The following TSEN15 variants were observed in gnomAD, a reference collection of about 807,000 sequenced individuals.
TSEN15 encodes the protein tRNA splicing endonuclease subunit 15.
TSEN15 carries 10 observed loss-of-function variants against 20.5 expected under a neutral mutation model. That is an observed-to-expected ratio of 0.49 (90% CI 0.30 to 0.83). TSEN15 has a LOEUF of 0.83. TSEN15 is among the 40% of genes least tolerant of loss of function. TSEN15 has a pLI of 0.06. For missense variants in TSEN15, 180 were observed against 218.6 expected, an observed-to-expected ratio of 0.82 and a Z score of 1.11; for synonymous variants, 72 against 80.1, an observed-to-expected ratio of 0.90 and a Z score of 0.54.
intron 3 of TSEN15, among the ~76,000 whole-genome samples, chr1:184,066,760 C>T (rs980193792): frequency 3.9e-5 from 6 of 152,124 alleles, no homozygotes; most frequent in Admixed American, 2.6e-4. Flanking sequence ...TTCTTTAACA[C>T]TTTGTTGGAT....
chr1:184,070,581 TA>T (rs1431552530), intron 3 of TSEN15: 2 of 1,050,476 alleles, frequency 1.9e-6, no homozygotes, highest in Non-Finnish European at 1.3e-6. Flanking sequence ...GGACAGCCTA[TA>T]AAAATGTATC....
chr1:184,074,221 G>A (rs1651010450), downstream of TSEN15: 1 of 152,114 alleles, frequency 6.6e-6, no homozygotes, highest in South Asian at 2.1e-4. Context: ...AAGGTGTCTT[G>A]AAATCTGTAT....
chr1:184,071,631 CTA>C (rs1650886763), intron 3 of TSEN15, among the ~76,000 whole-genome samples: 1 of 150,570 alleles, frequency 6.6e-6, no homozygotes, highest in Non-Finnish European at 1.5e-5. Flanking sequence ...ACTCAAGAAA[CTA>C]TAGTAAAAAA....
intron 3 of TSEN15, among the ~76,000 whole-genome samples, chr1:184,059,982 CAT>C (rs752713333): frequency 2.2e-4 from 34 of 152,178 alleles, no homozygotes; most frequent in African/African-American, 7.5e-4. Context: ...AGATTTATAA[CAT>C]GTGCATAACT....
intron 3 of TSEN15, among the ~76,000 whole-genome samples, chr1:184,059,481 C>T (rs1053826473): frequency 2.3e-4 from 35 of 152,274 alleles, no homozygotes; most frequent in African/African-American, 7.5e-4. Flanking sequence ...TTTGCTATTA[C>T]TAATGGTATT....
intron 3 of TSEN15, among the ~76,000 whole-genome samples, chr1:184,056,435 T>C (rs1340269094): frequency 6.6e-6 from 1 of 152,156 alleles, no homozygotes; most frequent in Non-Finnish European, 1.5e-5. Context: ...TATGAATTCT[T>C]TATATATTCT....
intron 3 of TSEN15, among the ~76,000 whole-genome samples, chr1:184,080,364 G>C (rs1651143697): frequency 6.6e-6 from 1 of 152,166 alleles, no homozygotes; most frequent in East Asian, 1.9e-4. Flanking sequence ...TAGCAAGCAA[G>C]TGGAGTGGGT....
downstream of TSEN15, among the ~76,000 whole-genome samples, chr1:184,076,606 G>A (rs773950384): frequency 7.4e-4 from 112 of 152,296 alleles, no homozygotes; most frequent in Admixed American, 2.0e-3. Context: ...CATGTCAAAA[G>A]ATGAGATGGG....
chr1:184,058,404 A>G (rs1650323752), intron 3 of TSEN15, among the ~76,000 whole-genome samples: 2 of 151,984 alleles, frequency 1.3e-5, no homozygotes, highest in Admixed American at 6.6e-5. Flanking sequence ...CTTTTAGTGC[A>G]TAACATTTTC....
At chr1:184,092,518 G>C (rs1182818418) in intron 3 of TSEN15, among the ~76,000 whole-genome samples, 1 of 152,230 alleles carries the variant, frequency 6.6e-6, no homozygotes, top group Non-Finnish European at 1.5e-5. Flanking sequence ...GGGTAGCCCA[G>C]AATAGGGGCT....
intron 3 of TSEN15, among the ~76,000 whole-genome samples, chr1:184,067,472 T>C (rs2102889864): frequency 6.6e-6 from 1 of 152,324 alleles, no homozygotes; most frequent in Admixed American, 6.5e-5. Context: ...ACCTGGTACC[T>C]GGTACATGGT....
At chr1:184,081,476 G>T (rs927446145) in intron 3 of TSEN15, among the ~76,000 whole-genome samples, 1 of 152,174 alleles carries the variant, frequency 6.6e-6, no homozygotes, top group Non-Finnish European at 1.5e-5. Context: ...ACTAGCCAAA[G>T]GAAGCCACGT....
chr1:184,058,264 A>G (rs1650318557), intron 3 of TSEN15: 2 of 378,278 alleles, frequency 5.3e-6, no homozygotes, highest in African/African-American at 4.3e-5. Flanking sequence ...ATGCTGTTGC[A>G]TTTAATAACT....
intron 3 of TSEN15, among the ~76,000 whole-genome samples, chr1:184,068,124 C>G (rs1317121326): frequency 1.3e-5 from 2 of 151,328 alleles, no homozygotes; most frequent in Non-Finnish European, 2.9e-5. Flanking sequence ...TTTCACCCCT[C>G]TTTTTCCCTA....
At chr1:184,070,802 TGTGA>T in intron 3 of TSEN15, 4 of 503,920 alleles carry the variant, frequency 7.9e-6, no homozygotes, top group Non-Finnish European at 1.1e-5. Flanking sequence ...AAATCATTCT[TGTGA>T]ATAAGAATCT....
chr1:184,060,910 T>A (rs1044850689), intron 3 of TSEN15, among the ~76,000 whole-genome samples: 1 of 152,190 alleles, frequency 6.6e-6, no homozygotes, highest in African/African-American at 2.4e-5. Context: ...AAGGCAAACG[T>A]CTAGAACTCT....
At chr1:184,076,295 C>T (rs919155344), downstream of TSEN15, among the ~76,000 whole-genome samples, 10 of 151,994 alleles carry the variant, frequency 6.6e-5, no homozygotes, top group Non-Finnish European at 1.3e-4. Context: ...ATATGGTGAT[C>T]TGTTTTTCAG....
chr1:184,051,910 G>C lies in TSEN15; in HGVS notation c.135+20G>C, dbSNP rs1402116670. On this transcript the variant is annotated intron_variant, in intron 1 of 4. Coordinates refer to ENST00000645668, the MANE Select transcript of TSEN15 (RefSeq NM_052965.4). Reference sequence around the variant, plus strand: ...CCTAAGGTCAGGAGGCGCGAGAGGAGCAGGGCGCCGTCCAGGCCCCTAACC... The same window carrying C: ...CCTAAGGTCAGGAGGCGCGAGAGGACCAGGGCGCCGTCCAGGCCCCTAACC... 14 of 1,516,384 alleles carry C rather than the reference G, an allele frequency of 9.2e-6. No homozygotes were observed. The highest frequency in any genetic ancestry group is 1.2e-5 in the Non-Finnish European group (14 of 1,128,628). The allele number at this position is 1,516,384 out of a possible 1,614,324, so 93.9% of individuals were successfully genotyped here. A position where few individuals can be genotyped will look rare whatever the true frequency, so the allele number is the denominator to read the frequency against.
Position 184,051,730 on chromosome 1 carries a change from A to G in TSEN15, c.-26A>G. ...TCTGGCCGGGCGCGGGTCGTGGTGC[A>G]CCACGGGAGCGCCGCACCGGCCGGC... On this transcript the variant is annotated 5_prime_UTR_variant, in exon 1 of 5. Transcript: ENST00000645668. The G allele has an allele frequency of 2.2e-6, 3 of 1,362,150 alleles. No individual in the cohort carries two copies. Among genetic ancestry groups the G allele is most frequent in the Non-Finnish European group, 2.8e-6 (3 of 1,057,784 alleles). The allele number at this position is 1,362,150 out of a possible 1,614,324, so 84.4% of individuals were successfully genotyped here.
Sources: gnomAD v4.1 joint callset for allele counts (sites outside exome capture counted in the v4.1 genomes callset) on GRCh38, gnomAD v4.1.1 for gene constraint, MANE v1.5 for transcripts, NCBI Gene and HGNC (gene_info 2026-07-23, HGNC 2026-07-21) for gene names.